ZNF564: variants seen among roughly 807,000 people sequenced by gnomAD.
ZNF564 encodes the protein zinc finger protein 564.
Under a neutral mutation model 10.5 loss-of-function variants are expected in ZNF564, and 5 were observed. The observed-to-expected ratio is 0.48, with a 90% CI of 0.25 to 1.00. The LOEUF (loss-of-function observed/expected upper bound fraction) is 1.00, where lower values mean the gene tolerates loss of function less well. Ranked by LOEUF, ZNF564 falls within the 50% of genes least tolerant of loss-of-function variation. The pLI, the probability that ZNF564 is intolerant of heterozygous loss-of-function variation, is 0.16. For missense variants in ZNF564, 603 were observed against 669.7 expected (o/e 0.90, Z 1.10); for synonymous variants, 242 against 218.1 (o/e 1.11, Z -0.97).
chr19:12,548,363 C>T (rs1568267936), intron 1 of ZNF564, among the ~76,000 whole-genome samples: 1 of 151,858 alleles, frequency 6.6e-6, no homozygotes, highest in Non-Finnish European at 1.5e-5. Flanking sequence ...ACTACAGGCA[C>T]ACACCGCCAC....
chr19:12,527,661 G>A lies in ZNF564; in HGVS notation c.447C>T (p.Ala149=). ...KPYKCKQCGK[A]FSSCQSFRRH... Reference sequence around the variant, plus strand: ...TTCGAAAGGATTGACAAGAACTGAAGGCTTTCCCACACTGCTTACATTTAT... The same window carrying A: ...TTCGAAAGGATTGACAAGAACTGAAAGCTTTCCCACACTGCTTACATTTAT... Residue 149 remains alanine (A), a synonymous_variant, in exon 4 of 4, where the codon GCC becomes GCT. Coordinates refer to ENST00000339282, the MANE Select transcript of ZNF564 (RefSeq NM_144976.4). 6.2e-7 allele frequency: 1 copy of A among 1,614,138 alleles called. No individual in the cohort carries two copies. The highest frequency in any genetic ancestry group is 1.1e-5 in the South Asian group (1 of 91,082).
In ZNF564 at chr19:12,538,936, AG is replaced by A. The variant is rs200028670; in HGVS notation, c.4-10241del. On this transcript the variant is annotated intron_variant, in intron 1 of 3. Coordinates refer to ENST00000339282, the MANE Select transcript of ZNF564 (RefSeq NM_144976.4). Reference sequence around the variant, plus strand: ...TACACTAACGCAGTATGTTAAAAATAGGGGAGGTAGGCCAGGCGTGGTGGCT... The same window carrying A: ...TACACTAACGCAGTATGTTAAAAATAGGGAGGTAGGCCAGGCGTGGTGGCT... Among the ~76,000 whole-genome samples, 1,151 of 152,232 alleles carry A rather than the reference AG, an allele frequency of 7.6e-3. 13 individuals are homozygous for A. Among genetic ancestry groups the A allele is most frequent in the African/African-American group, 0.026 (1,088 of 41,532 alleles).
At chr19:12,531,349 T>C (rs1298127267) in intron 1 of ZNF564, among the ~76,000 whole-genome samples, 2 of 151,852 alleles carry the variant, frequency 1.3e-5, no homozygotes, top group Non-Finnish European at 2.9e-5. Context: ...GTCAGGATCA[T>C]TTGAGTTAGG....
intron 1 of ZNF564, among the ~76,000 whole-genome samples, chr19:12,540,579 G>A (rs1363605915): frequency 1.3e-5 from 2 of 152,138 alleles, no homozygotes; most frequent in Non-Finnish European, 2.9e-5. Context: ...AACCGGCTGG[G>A]TGTGGTAGCT....
intron 1 of ZNF564, among the ~76,000 whole-genome samples, chr19:12,534,125 C>T (rs983121705): frequency 3.9e-5 from 6 of 152,084 alleles, no homozygotes; most frequent in Admixed American, 1.3e-4. Flanking sequence ...AAACTAGATG[C>T]TTTCTACACA....
intron 1 of ZNF564, among the ~76,000 whole-genome samples, chr19:12,538,867 A>G (rs2021973899): frequency 6.6e-6 from 1 of 152,074 alleles, no homozygotes; most frequent in Non-Finnish European, 1.5e-5. Context: ...AATTTTCATC[A>G]TTATCAGATG....
intron 1 of ZNF564, among the ~76,000 whole-genome samples, chr19:12,539,049 G>A (rs951549959): frequency 1.6e-4 from 24 of 150,556 alleles, no homozygotes; most frequent in African/African-American, 4.6e-4. Context: ...CTAATGTGGC[G>A]CAATCCAGTC....
Position 12,527,672 on chromosome 19 carries a change from A to G in ZNF564, c.436T>C (p.Cys146Arg), listed in dbSNP as rs765335013. Reference protein sequence around the residue: ...YGEKPYKCKQCGKAFSSCQSF... With the variant: ...YGEKPYKCKQRGKAFSSCQSF... Reference sequence around the variant, plus strand: ...TGACAAGAACTGAAGGCTTTCCCACACTGCTTACATTTATATGGTTTCTCT... The same window carrying G: ...TGACAAGAACTGAAGGCTTTCCCACGCTGCTTACATTTATATGGTTTCTCT... Residue 146 changes from cysteine (C) to arginine (R), a missense_variant, in exon 4 of 4, where the codon TGT (cysteine) becomes CGT (arginine). By Grantham distance (180) the Cys-to-Arg change is radical (BLOSUM62 -3). Transcript: ENST00000339282. The G allele has an allele frequency of 1.2e-6, 2 of 1,614,054 alleles. No individual in the cohort carries two copies. The highest frequency in any genetic ancestry group is 1.7e-6 in the Non-Finnish European group (2 of 1,180,028).
chr19:12,544,784 G>A (rs1447438276), intron 1 of ZNF564, among the ~76,000 whole-genome samples: 3 of 152,168 alleles, frequency 2.0e-5, no homozygotes, highest in Middle Eastern at 3.2e-3. Flanking sequence ...CCCTGGTTAG[G>A]TGTGTATATC....
rs745555939 is a variant in ZNF564 at position 12,527,433 on chromosome 19, A to C, written c.675T>G (p.Tyr225Ter). The change falls in exon 4 of 4, where the codon TAT becomes TAG. Residue 225 changes from tyrosine (Y) to a stop codon, truncating the protein, a stop_gained. Transcript: ENST00000339282. LOFTEE classifies it low-confidence loss of function (END_TRUNC). Reference sequence around the variant, plus strand: ...AAGCTTTTGCACATTCCTGACATTCATAGGGTTTCTCTCCAGTGTGAGTTC... The same window carrying C: ...AAGCTTTTGCACATTCCTGACATTCCTAGGGTTTCTCTCCAGTGTGAGTTC... The part of the protein sequence containing the change: ...HERTHTGEKP[Y>*]ECQECAKAFI... 6.2e-7 allele frequency: 1 copy of C among 1,614,148 alleles called. No homozygotes were observed. Among genetic ancestry groups the C allele is most frequent in the Admixed American group, 1.7e-5 (1 of 60,014 alleles).
intron 1 of ZNF564, among the ~76,000 whole-genome samples, chr19:12,543,381 C>G (rs2022095480): frequency 6.7e-6 from 1 of 148,708 alleles, no homozygotes; most frequent in South Asian, 2.1e-4. Context: ...GGGACCACTT[C>G]TAAAAACTGA....
intron 1 of ZNF564, among the ~76,000 whole-genome samples, chr19:12,548,453 G>C (rs2022193946): frequency 6.6e-6 from 1 of 152,066 alleles, no homozygotes; most frequent in Non-Finnish European, 1.5e-5. Flanking sequence ...CTGACCTTGT[G>C]ATCCGCACAC....
At chr19:12,549,797 G>A (rs1599289849) in intron 1 of ZNF564, among the ~76,000 whole-genome samples, 2 of 152,280 alleles carry the variant, frequency 1.3e-5, no homozygotes, top group African/African-American at 4.8e-5. Context: ...AGTGACCCAG[G>A]GGTTGATAAT....
chr19:12,526,475 G>T lies in ZNF564; in HGVS notation c.1633C>A (p.Gln545Lys). The change falls in exon 4 of 4, where the codon CAA becomes AAA. Residue 545 changes from glutamine (Q) to lysine (K), a missense_variant. Transcript: ENST00000339282. Reference sequence around the variant, plus strand: ...TCATTTTCACAGGTATTCGAAGGTTGTGTGATAAATGAAAGCTTTCCCACA... The same window carrying T: ...TCATTTTCACAGGTATTCGAAGGTTTTGTGATAAATGAAAGCTTTCCCACA... ...KNVGKLSFITQPSNTCENE is the reference protein window; with the variant it reads ...KNVGKLSFITKPSNTCENE 1 of 1,604,742 alleles carries T rather than the reference G, an allele frequency of 6.2e-7. No individual in the cohort carries two copies. The highest frequency in any genetic ancestry group is 8.5e-7 in the Non-Finnish European group (1 of 1,176,096).
Position 12,527,872 on chromosome 19 carries a change from T to A in ZNF564, c.236A>T (p.Gln79Leu). Residue 79 changes from glutamine to leucine, a missense_variant, in exon 4 of 4, where the codon CAA (glutamine) becomes CTA (leucine). Gln to Leu is a moderately radical substitution (Grantham distance 113, BLOSUM62 -2). Coordinates refer to ENST00000339282, the MANE Select transcript of ZNF564 (RefSeq NM_144976.4). ...AATCTGACTGAAGGCTTCTCCACAT[T>A]GATCATATTCTTTACTTTCACTGAG... The part of the protein sequence containing the change: ...EGLSESKEYD[Q>L]CGEAFSQILN... The A allele has an allele frequency of 6.2e-7, 1 of 1,613,210 alleles. No homozygotes were observed. Among genetic ancestry groups the A allele is most frequent in the Non-Finnish European group, 8.5e-7 (1 of 1,179,472 alleles).
At position 12,528,552 on chromosome 19, in the gene ZNF564, G is replaced by C; in HGVS notation, c.130+18C>G. On this transcript the variant is annotated intron_variant, in intron 2 of 3. Transcript: ENST00000339282. ...TTCTTCTCTAACTGACTAAAAGAAG[G>C]AATGATGTCATCCTTACCTACACAG... 6.2e-7 allele frequency: 1 copy of C among 1,609,978 alleles called. No homozygotes were observed. Among genetic ancestry groups the C allele is most frequent in the Non-Finnish European group, 8.5e-7 (1 of 1,179,098 alleles).
chr19:12,528,496 T>C, intron 2 of ZNF564, 74 bp downstream of exon 2: 1 of 1,595,930 alleles, frequency 6.3e-7, no homozygotes, highest in Admixed American at 1.8e-5. Flanking sequence ...ACATTAGACA[T>C]CATGAAAAAG....
At position 12,526,785 on chromosome 19, in the gene ZNF564, T is replaced by C; in HGVS notation, c.1323A>G (p.Ile441Met). ...ISLKRIRKHMILHTGDGPYKC... is the reference protein window; with the variant it reads ...ISLKRIRKHMMLHTGDGPYKC... ...TATAAGGTCCATCTCCAGTGTGCAG[T>C]ATCATATGTTTTCTAATCCTTTTAA... is the stretch of plus-strand genomic sequence containing the variant. The change falls in exon 4 of 4, where the codon ATA (isoleucine) becomes ATG (methionine). Residue 441 changes from isoleucine (I) to methionine (M), a missense_variant. Transcript: ENST00000339282. 6.2e-7 allele frequency: 1 copy of C among 1,613,594 alleles called. No homozygotes were observed. Among genetic ancestry groups the C allele is most frequent in the Non-Finnish European group, 8.5e-7 (1 of 1,179,852 alleles).
chr19:12,531,425 A>T (rs2021798128), intron 1 of ZNF564, among the ~76,000 whole-genome samples: 1 of 151,940 alleles, frequency 6.6e-6, no homozygotes. Context: ...AAATTAGCCA[A>T]GCATGTTGAC....
Sources: allele counts gnomAD v4.1 joint callset (sites outside exome capture counted in the v4.1 genomes callset), GRCh38; gene constraint gnomAD v4.1.1; transcripts MANE v1.5; gene names NCBI Gene and HGNC (gene_info 2026-07-23, HGNC 2026-07-21).